The following ADAM2 variants were observed in gnomAD, a reference collection of about 807,000 sequenced individuals.
ADAM2 encodes disintegrin and metalloproteinase domain-containing protein 2.
ADAM2 carries 101 observed loss-of-function variants against 99.3 expected under a neutral mutation model. That is an observed-to-expected ratio of 1.02 (90% CI 0.87 to 1.20). The LOEUF is 1.20. Among genes scored for constraint, ADAM2 ranks in the 50% most tolerant of loss-of-function variants. The pLI is 0.00. For synonymous variants in ADAM2, 323 were observed against 287.6 expected, an observed-to-expected ratio of 1.12 and a Z score of -1.25; for missense variants, 948 against 878.7, an observed-to-expected ratio of 1.08 and a Z score of -1.00.
Position 39,746,606 on chromosome 8 carries a change from G to T in ADAM2, c.2040C>A (p.Tyr680Ter). The change falls in exon 19 of 21, where the codon TAC (tyrosine) becomes TAA (stop). Residue 680 changes from tyrosine to a stop codon, truncating the protein, a stop_gained. Transcript: ENST00000265708. LOFTEE classifies it high-confidence loss of function. ...ATGGCCATCTCATTGGTTTGGAATG[G>T]TAAATGTTCTCAATGTAGCGCCTTT... ...LPERRYIENIYHSKPMRWPFF... is the reference protein window; with the variant it reads ...LPERRYIENI 3 of 1,601,416 alleles carry T rather than the reference G, an allele frequency of 1.9e-6. No homozygotes were observed. Among genetic ancestry groups the T allele is most frequent in the Non-Finnish European group, 2.6e-6 (3 of 1,175,828 alleles).
At chr8:39,829,096 CT>C (rs1805520403) in intron 3 of ADAM2, among the ~76,000 whole-genome samples, 1 of 151,884 alleles carries the variant, frequency 6.6e-6, no homozygotes, top group Non-Finnish European at 1.5e-5. Flanking sequence ...AATTGGTTGT[CT>C]ACCTTATAGC....
chr8:39,783,596 C>T (rs1320953209), intron 10 of ADAM2, among the ~76,000 whole-genome samples: 3 of 152,134 alleles, frequency 2.0e-5, no homozygotes, highest in Non-Finnish European at 4.4e-5. Context: ...CCTAACATGA[C>T]TATATCTAAA....
In ADAM2 at chr8:39,764,130, A is replaced by T. The variant is rs76533668; in HGVS notation, c.1507+2718T>A. 2.2e-3 allele frequency among the ~76,000 whole-genome samples: 337 copies of T among 152,334 alleles called. 3 individuals are homozygous for T. Among genetic ancestry groups the T allele is most frequent in the East Asian group, 0.021 (110 of 5,182 alleles). On this transcript the variant is annotated intron_variant, in intron 14 of 20. Transcript: ENST00000265708. ...AACAAATTAAGAAGCAAAGGGTCAG[A>T]TGCAGTGGCTCACTTCTTTAATTCC...
chr8:39,801,752 G>A (rs1264778420), intron 7 of ADAM2, among the ~76,000 whole-genome samples: 2 of 152,086 alleles, frequency 1.3e-5, no homozygotes, highest in Non-Finnish European at 2.9e-5. Context: ...CCCACCCACT[G>A]AGGAGGATGT....
At chr8:39,758,593 T>C (rs750677172) in intron 15 of ADAM2, among the ~76,000 whole-genome samples, 16 of 150,568 alleles carry the variant, frequency 1.1e-4, no homozygotes, top group South Asian at 4.2e-4. Flanking sequence ...AAAGAAATAG[T>C]AGACATGCAC....
chr8:39,794,444 G>T (rs544154210), intron 7 of ADAM2, among the ~76,000 whole-genome samples: 1 of 151,958 alleles, frequency 6.6e-6, no homozygotes, highest in African/African-American at 2.4e-5. Flanking sequence ...TAAGGGAGGA[G>T]ACCACCCCTC....
At chr8:39,754,427 G>A (rs191196767) in intron 16 of ADAM2, among the ~76,000 whole-genome samples, 1 of 152,110 alleles carries the variant, frequency 6.6e-6, no homozygotes, top group Non-Finnish European at 1.5e-5. Context: ...CACTCTTGGT[G>A]GTTCCCATTT....
chr8:39,824,023 G>T (rs1382672801), intron 4 of ADAM2, among the ~76,000 whole-genome samples: 2 of 151,894 alleles, frequency 1.3e-5, no homozygotes, highest in Non-Finnish European at 2.9e-5. Flanking sequence ...GTGACTCACT[G>T]CTGTAATCCC....
At chr8:39,745,780 G>A (rs897003747) in intron 19 of ADAM2, among the ~76,000 whole-genome samples, 2 of 151,622 alleles carry the variant, frequency 1.3e-5, no homozygotes, top group Non-Finnish European at 2.9e-5. Context: ...AATTCACTAA[G>A]ATATAGAAAT....
intron 19 of ADAM2, among the ~76,000 whole-genome samples, chr8:39,745,863 T>C (rs544757256): frequency 6.6e-6 from 1 of 152,202 alleles, no homozygotes; most frequent in South Asian, 2.1e-4. Flanking sequence ...AGAAGATAGA[T>C]AAACTTTAAA....
intron 14 of ADAM2, among the ~76,000 whole-genome samples, chr8:39,761,878 G>A (rs773425456): frequency 6.6e-5 from 10 of 152,036 alleles, no homozygotes; most frequent in Admixed American, 2.6e-4. Context: ...TAAGGAGATC[G>A]AGACCAGCCT....
At chr8:39,773,586 A>G (rs1459323574) in intron 11 of ADAM2, among the ~76,000 whole-genome samples, 1 of 151,790 alleles carries the variant, frequency 6.6e-6, no homozygotes, top group Non-Finnish European at 1.5e-5. Flanking sequence ...AAATTATCCC[A>G]TTGACTTTTA....
At chr8:39,746,653 G>T in intron 18 of ADAM2, 22 bp from the exon 19 acceptor site, 1 of 1,541,584 alleles carries the variant, frequency 6.5e-7, no homozygotes, top group South Asian at 1.3e-5. Flanking sequence ...AAAAATCAAA[G>T]ATTTGAAAGC....
chr8:39,768,320 G>T lies in ADAM2; in HGVS notation c.1213-1069C>A, dbSNP rs187181540. On this transcript the variant is annotated intron_variant, in intron 12 of 20. Coordinates refer to ENST00000265708, the MANE Select transcript of ADAM2 (RefSeq NM_001464.5). The stretch of plus-strand genomic sequence containing the variant: ...CAGGATCTATAAACATACTTTTAAG[G>T]TTGGAAGGCTACATGAGTGACCATT... 3.7e-3 allele frequency among the ~76,000 whole-genome samples: 565 copies of T among 152,158 alleles called. 3 individuals are homozygous for T. The highest frequency in any genetic ancestry group is 0.013 in the African/African-American group (542 of 41,524).
At chr8:39,828,519 T>C (rs117501315) in intron 3 of ADAM2, among the ~76,000 whole-genome samples, 1 of 151,722 alleles carries the variant, frequency 6.6e-6, no homozygotes, top group Non-Finnish European at 1.5e-5. Context: ...AAAAGAGGAA[T>C]ATAAAACAAA....
At chr8:39,754,410 T>G (rs1446885731) in intron 16 of ADAM2, among the ~76,000 whole-genome samples, 1 of 152,192 alleles carries the variant, frequency 6.6e-6, no homozygotes, top group Non-Finnish European at 1.5e-5. Context: ...CTACCAACGA[T>G]TTAAGCCACT....
intron 14 of ADAM2, among the ~76,000 whole-genome samples, chr8:39,763,016 C>T (rs1372419097): frequency 6.6e-6 from 1 of 152,094 alleles, no homozygotes; most frequent in Non-Finnish European, 1.5e-5. Context: ...TTCTCAGTGT[C>T]TCATGACAGA....
chr8:39,817,053 G>A (rs1175170364), intron 6 of ADAM2, among the ~76,000 whole-genome samples: 1 of 151,830 alleles, frequency 6.6e-6, no homozygotes, highest in East Asian at 1.9e-4. Flanking sequence ...AATATATAAT[G>A]TAAAAGCTCA....
chr8:39,747,529 A>T (rs1823525868), intron 18 of ADAM2, among the ~76,000 whole-genome samples: 1 of 152,160 alleles, frequency 6.6e-6, no homozygotes, highest in Non-Finnish European at 1.5e-5. Flanking sequence ...TTTTTCTGAG[A>T]TTTTAACAGA....
Sources: gnomAD v4.1 joint callset for allele counts (sites outside exome capture counted in the v4.1 genomes callset) on GRCh38, gnomAD v4.1.1 for gene constraint, MANE v1.5 for transcripts, NCBI Gene and HGNC (gene_info 2026-07-23, HGNC 2026-07-21) for gene names.